Variants in SLC9C1 observed in about 807,000 individuals in gnomAD.
The protein encoded by SLC9C1 is sodium/hydrogen exchanger 10.
Under a neutral mutation model 140.9 loss-of-function variants are expected in SLC9C1, and 97 were observed. That is an observed-to-expected ratio of 0.69 (90% CI 0.58 to 0.82). The LOEUF (loss-of-function observed/expected upper bound fraction) is 0.82. Among genes scored for constraint, SLC9C1 ranks in the 40% least tolerant of loss-of-function variants. SLC9C1 has a pLI of 0.00. For missense variants in SLC9C1, 1,340 were observed against 1,389.3 expected (o/e 0.96, Z 0.56); for synonymous variants, 440 against 442.6 (o/e 0.99, Z 0.07).
intron 25 of SLC9C1, 46 bp downstream of exon 25, chr3:112,168,831 G>C (rs1350542766): frequency 6.8e-7 from 1 of 1,465,304 alleles, no homozygotes; most frequent in Non-Finnish European, 9.2e-7. Context: ...TACATTGTTG[G>C]ACATATGGCA....
At chr3:112,179,401 CT>C (rs2077397301) in intron 23 of SLC9C1, 129 bp downstream of exon 23, 1 of 1,060,812 alleles carries the variant, frequency 9.4e-7, no homozygotes, top group African/African-American at 1.7e-5. Context: ...AGTTTTGTTC[CT>C]TTATAATTCC....
chr3:112,254,404 T>G (rs1057391232), intron 10 of SLC9C1, among the ~76,000 whole-genome samples: 3 of 152,174 alleles, frequency 2.0e-5, no homozygotes, highest in African/African-American at 7.2e-5. Flanking sequence ...GTAGAAATCC[T>G]ACAAGCCAGA....
At chr3:112,167,600 C>T (rs80272366) in intron 25 of SLC9C1, among the ~76,000 whole-genome samples, 15,818 of 151,894 alleles carry the variant, frequency 0.1, 878 homozygotes, top group East Asian at 0.2. Context: ...GAATGAATTA[C>T]CAATGGCCCT....
chr3:112,221,841 C>T (rs2078549139), intron 13 of SLC9C1, among the ~76,000 whole-genome samples: 1 of 152,118 alleles, frequency 6.6e-6, no homozygotes, highest in South Asian at 2.1e-4. Context: ...ATATGGAAAC[C>T]AGTATCTGAC....
At chr3:112,260,635 A>C (rs1210757475) in intron 10 of SLC9C1, among the ~76,000 whole-genome samples, 1 of 152,104 alleles carries the variant, frequency 6.6e-6, no homozygotes, top group African/African-American at 2.4e-5. Context: ...GCGTGATTCT[A>C]GTCTTTCTTC....
intron 23 of SLC9C1, among the ~76,000 whole-genome samples, chr3:112,170,747 G>A (rs1023177022): frequency 6.6e-6 from 1 of 152,170 alleles, no homozygotes; most frequent in Non-Finnish European, 1.5e-5. Flanking sequence ...AACAAGTTTT[G>A]TGTACATTGG....
chr3:112,235,716 A>G (rs1216632257), intron 12 of SLC9C1, among the ~76,000 whole-genome samples: 1 of 152,168 alleles, frequency 6.6e-6, no homozygotes, highest in Non-Finnish European at 1.5e-5. Flanking sequence ...TTCTGCATCT[A>G]TTGAGGTAAT....
intron 19 of SLC9C1, among the ~76,000 whole-genome samples, chr3:112,200,259 C>A (rs1055786871): frequency 6.6e-6 from 1 of 152,090 alleles, no homozygotes; most frequent in Non-Finnish European, 1.5e-5. Flanking sequence ...GACACTGGGC[C>A]TCCCAGCAGA....
At chr3:112,278,007 G>A (rs894263889) in intron 4 of SLC9C1, 147 bp from the exon 5 acceptor site, 8 of 524,448 alleles carry the variant, frequency 1.5e-5, no homozygotes, top group South Asian at 4.5e-5. Context: ...TCTAGCTCAC[G>A]CTGCTTCAGC....
chr3:112,264,781 T>C (rs991474115), intron 8 of SLC9C1, among the ~76,000 whole-genome samples: 1 of 152,060 alleles, frequency 6.6e-6, no homozygotes, highest in Non-Finnish European at 1.5e-5. Flanking sequence ...AGAGTAGAAG[T>C]TGGTACATAC....
At chr3:112,245,191 C>T (rs1388130754) in intron 10 of SLC9C1, among the ~76,000 whole-genome samples, 2 of 152,134 alleles carry the variant, frequency 1.3e-5, no homozygotes, top group Admixed American at 6.6e-5. Context: ...TGACATGTCT[C>T]ACTGTGATTT....
chr3:112,173,265 G>T (rs139714429), intron 23 of SLC9C1, among the ~76,000 whole-genome samples: 13 of 152,260 alleles, frequency 8.5e-5, no homozygotes, highest in Middle Eastern at 6.8e-3. Context: ...AAATTTTGAC[G>T]TGTGTGCTTT....
intron 10 of SLC9C1, among the ~76,000 whole-genome samples, chr3:112,248,784 A>C (rs1173562676): frequency 6.6e-6 from 1 of 152,188 alleles, no homozygotes; most frequent in Non-Finnish European, 1.5e-5. Context: ...CTTATCATTA[A>C]GCTTTTAAGT....
At chr3:112,145,387 A>G (rs1295200879) in intron 28 of SLC9C1, among the ~76,000 whole-genome samples, 3 of 152,138 alleles carry the variant, frequency 2.0e-5, no homozygotes, top group Non-Finnish European at 4.4e-5. Flanking sequence ...TTTCACATCT[A>G]TGTTGATTGG....
At chr3:112,238,395 G>T (rs189091687) in intron 12 of SLC9C1, among the ~76,000 whole-genome samples, 1 of 152,218 alleles carries the variant, frequency 6.6e-6, no homozygotes, top group Admixed American at 6.5e-5. Context: ...CTCTGCGATG[G>T]GTTCGAACTT....
chr3:112,150,860 T>TG (rs1202385857), intron 28 of SLC9C1, among the ~76,000 whole-genome samples: 4 of 135,460 alleles, frequency 3.0e-5, no homozygotes, highest in African/African-American at 1.2e-4. Context: ...TTTTTTGAGA[T>TG]GAAGTCTCAC....
At chr3:112,182,480 T>C (rs2077456968) in intron 20 of SLC9C1, among the ~76,000 whole-genome samples, 1 of 152,212 alleles carries the variant, frequency 6.6e-6, no homozygotes, top group Non-Finnish European at 1.5e-5. Flanking sequence ...TGTGCAGATT[T>C]GTTACATGGG....
Position 112,239,961 on chromosome 3 carries a change from G to A in SLC9C1, c.1325C>T (p.Thr442Ile). The A allele has an allele frequency of 6.2e-7, 1 of 1,613,168 alleles. No individual in the cohort carries two copies. The highest frequency in any genetic ancestry group is 1.1e-5 in the South Asian group (1 of 90,650). ...TSTKYKSVCC[T>I]FQHFQELTKS... ...GGTTAGCTCTTGAAAGTGTTGAAATGTGCAACAAACCGATTTATATTTTGT... is the reference window on the plus strand; with the variant it reads ...GGTTAGCTCTTGAAAGTGTTGAAATATGCAACAAACCGATTTATATTTTGT... Residue 442 changes from threonine to isoleucine, a missense_variant, in exon 12 of 29, where the codon ACA (threonine) becomes ATA (isoleucine). Coordinates refer to ENST00000305815, the MANE Select transcript of SLC9C1 (RefSeq NM_183061.3).
At chr3:112,266,452 G>C (rs1340016334) in intron 7 of SLC9C1, 112 bp from the exon 8 acceptor site, 3 of 746,576 alleles carry the variant, frequency 4.0e-6, no homozygotes, top group Non-Finnish European at 6.3e-6. Context: ...CTTTTATAGA[G>C]AGGCAACTTC....
Sources: gnomAD v4.1 joint callset for allele counts (sites outside exome capture counted in the v4.1 genomes callset) on GRCh38, gnomAD v4.1.1 for gene constraint, MANE v1.5 for transcripts, NCBI Gene and HGNC (gene_info 2026-07-23, HGNC 2026-07-21) for gene names.